Variants in PACRG observed in about 807,000 individuals in gnomAD.
The protein encoded by PACRG is parkin coregulated gene protein.
A neutral mutation model predicts 29.7 loss-of-function variants in PACRG; 29 were observed. That is an observed-to-expected ratio of 0.98 (90% CI 0.73 to 1.33). The LOEUF is 1.33. Ranked by LOEUF, PACRG falls within the 40% of genes most tolerant of loss-of-function variation. The probability of loss-of-function intolerance (pLI) is 0.00; values close to 1 mark genes in which losing one functional copy is unlikely to be tolerated. For missense variants in PACRG, 279 were observed against 316.2 expected, an observed-to-expected ratio of 0.88 and a Z score of 0.89; for synonymous variants, 116 against 118.7, an observed-to-expected ratio of 0.98 and a Z score of 0.15.
chr6:163,229,859 G>A (rs1030131951), intron 4 of PACRG, among the ~76,000 whole-genome samples: 1 of 152,182 alleles, frequency 6.6e-6, no homozygotes, highest in Admixed American at 6.5e-5. Context: ...ACTGTCTCCA[G>A]GCGACAGCAG....
At chr6:163,029,669 G>C (rs1202829633) in intron 2 of PACRG, among the ~76,000 whole-genome samples, 1 of 151,988 alleles carries the variant, frequency 6.6e-6, no homozygotes, top group African/African-American at 2.4e-5. Context: ...TTTGCTTCTG[G>C]ATGTTGTCAT....
At chr6:162,757,569 G>A (rs184643090) in intron 1 of PACRG, among the ~76,000 whole-genome samples, 65 of 152,154 alleles carry the variant, frequency 4.3e-4, no homozygotes, top group East Asian at 1.9e-4. Flanking sequence ...TTAGCCGGGC[G>A]TGTTGGTGCA....
At chr6:163,043,569 G>T (rs904744397) in intron 2 of PACRG, among the ~76,000 whole-genome samples, 1 of 152,098 alleles carries the variant, frequency 6.6e-6, no homozygotes, top group Admixed American at 6.5e-5. Flanking sequence ...AAAATCATCA[G>T]TTCGAGACTA....
Position 163,062,272 on chromosome 6 carries a change from T to A in PACRG, c.414T>A (p.Gly138=). 1 of 1,614,132 alleles carries A rather than the reference T, an allele frequency of 6.2e-7. No homozygotes were observed. The highest frequency in any genetic ancestry group is 8.5e-7 in the Non-Finnish European group (1 of 1,180,018). The change falls in exon 3 of 5, where the codon GGT becomes GGA. Residue 138 remains glycine, a synonymous_variant. Coordinates refer to ENST00000366888, the MANE Select transcript of PACRG (RefSeq NM_001080379.2). ...GAATCCACGACATGCTGGAACACGG[T>A]GGGAACAAGATCCTACCTGTCCTTC... is the stretch of plus-strand genomic sequence containing the variant. ...RQGIHDMLEH[G]GNKILPVLPQ...
At chr6:163,175,316 G>C in intron 4 of PACRG, among the ~76,000 whole-genome samples, 1 of 152,180 alleles carries the variant, frequency 6.6e-6, no homozygotes, top group Non-Finnish European at 1.5e-5. Context: ...ATCTGTTTGG[G>C]AGGGACCTGA....
chr6:163,239,430 C>T (rs2128167104), intron 4 of PACRG, among the ~76,000 whole-genome samples: 1 of 152,232 alleles, frequency 6.6e-6, no homozygotes, highest in South Asian at 2.1e-4. Context: ...ACTCCACAAT[C>T]TACACTTCAA....
rs552129893 is a variant in PACRG at position 162,925,757 on chromosome 6, G to A, written c.291+111476G>A. ...CCTTTGAAAACTGGAACAAGACAAG[G>A]ATGCCTTCTCTCACCACTCCTATTC... On this transcript the variant is annotated intron_variant, in intron 2 of 4. Coordinates refer to ENST00000366888, the MANE Select transcript of PACRG (RefSeq NM_001080379.2). Among the ~76,000 whole-genome samples the A allele has an allele frequency of 3.9e-4, 59 of 152,224 alleles. No homozygotes were observed. The South Asian group carries it at 5.2e-3, about 13-fold the overall frequency.
intron 2 of PACRG, among the ~76,000 whole-genome samples, chr6:163,009,331 C>T (rs1805407863): frequency 6.6e-6 from 1 of 152,094 alleles, no homozygotes; most frequent in South Asian, 2.1e-4. Flanking sequence ...CTGTGCAAAG[C>T]TTTCACTCTA....
At chr6:163,190,886 A>G (rs1045601726) in intron 4 of PACRG, 1 of 452,642 alleles carries the variant, frequency 2.2e-6, no homozygotes, top group Non-Finnish European at 4.4e-6. Context: ...ATGTCCTGAC[A>G]AACAGCTCCA....
At chr6:162,926,574 T>C (rs1466050733) in intron 2 of PACRG, among the ~76,000 whole-genome samples, 6 of 151,994 alleles carry the variant, frequency 3.9e-5, no homozygotes, top group Non-Finnish European at 8.8e-5. Flanking sequence ...ATTTAACAAG[T>C]GATGCTGTGA....
intron 2 of PACRG, among the ~76,000 whole-genome samples, chr6:162,876,401 T>C (rs1413708408): frequency 6.6e-6 from 1 of 152,204 alleles, no homozygotes; most frequent in Non-Finnish European, 1.5e-5. Flanking sequence ...TCTCTCTTTA[T>C]TGTTTACATG....
chr6:163,294,050 C>A (rs9356105), intron 4 of PACRG, among the ~76,000 whole-genome samples: 79,051 of 151,428 alleles, frequency 0.52, 20,957 homozygotes, highest in East Asian at 0.69. Context: ...CTTTACCCCC[C>A]AAAAAAATTA....
chr6:162,729,439 A>G (rs1779570695), intron 1 of PACRG, among the ~76,000 whole-genome samples: 1 of 152,136 alleles, frequency 6.6e-6, no homozygotes, highest in African/African-American at 2.4e-5. Context: ...TTACCTATAG[A>G]CCTCTAGGCC....
chr6:162,868,496 G>A (rs1289932695), intron 2 of PACRG, among the ~76,000 whole-genome samples: 1 of 152,172 alleles, frequency 6.6e-6, no homozygotes, highest in Non-Finnish European at 1.5e-5. Context: ...GTCCACAGTC[G>A]TTCCCCCTTG....
chr6:163,244,065 G>A (rs762609310), intron 4 of PACRG, among the ~76,000 whole-genome samples: 9 of 152,198 alleles, frequency 5.9e-5, no homozygotes, highest in Non-Finnish European at 1.2e-4. Flanking sequence ...GGCCACTTTT[G>A]TGTGTTCATT....
intron 1 of PACRG, among the ~76,000 whole-genome samples, chr6:162,778,529 G>C (rs979062963): frequency 4.6e-5 from 7 of 152,058 alleles, no homozygotes; most frequent in Non-Finnish European, 1.0e-4. Context: ...AAACTTAGAG[G>C]TTGCGGAGAA....
chr6:162,854,518 A>G (rs1471603255), intron 2 of PACRG, among the ~76,000 whole-genome samples: 1 of 152,258 alleles, frequency 6.6e-6, no homozygotes, highest in Non-Finnish European at 1.5e-5. Flanking sequence ...AGCAAGCATT[A>G]CAGATCCTAC....
intron 4 of PACRG, among the ~76,000 whole-genome samples, chr6:163,159,723 G>A (rs1179054051): frequency 2.0e-5 from 3 of 152,076 alleles, no homozygotes; most frequent in Admixed American, 6.5e-5. Context: ...TAAGGGTGTC[G>A]AGTGTTCTCT....
At chr6:163,127,548 T>C (rs1175635559) in intron 4 of PACRG, among the ~76,000 whole-genome samples, 1 of 152,204 alleles carries the variant, frequency 6.6e-6, no homozygotes, top group African/African-American at 2.4e-5. Context: ...ATAAGAATCT[T>C]CAGGTCGCCT....
Sources: gnomAD v4.1 joint callset for allele counts (sites outside exome capture counted in the v4.1 genomes callset) on GRCh38, gnomAD v4.1.1 for gene constraint, MANE v1.5 for transcripts, NCBI Gene and HGNC (gene_info 2026-07-23, HGNC 2026-07-21) for gene names.